Variants in RFX3 observed in about 807,000 individuals in gnomAD.
RFX3 encodes transcription factor RFX3.
A neutral mutation model predicts 98.6 loss-of-function variants in RFX3; 14 were observed. That is an observed-to-expected ratio of 0.14 (90% CI 0.09 to 0.22). The LOEUF (loss-of-function observed/expected upper bound fraction) is 0.22, where lower values mean the gene tolerates loss of function less well. Among genes scored for constraint, RFX3 ranks in the 10% least tolerant of loss-of-function variants. The pLI is 1.00. For synonymous variants in RFX3, 383 were observed against 328.4 expected, an observed-to-expected ratio of 1.17 and a Z score of -1.80; for missense variants, 639 against 926.9, an observed-to-expected ratio of 0.69 and a Z score of 4.03.
intron 15 of RFX3, among the ~76,000 whole-genome samples, chr9:3,231,128 G>A (rs1296895122): frequency 6.6e-6 from 1 of 152,118 alleles, no homozygotes; most frequent in Non-Finnish European, 1.5e-5. Flanking sequence ...TGCACTATGG[G>A]GGACAATGTA....
intron 1 of RFX3, among the ~76,000 whole-genome samples, chr9:3,524,065 AAT>A (rs35282949): frequency 0.02 from 3,113 of 152,184 alleles, 102 homozygotes; most frequent in African/African-American, 0.071. Flanking sequence ...CAGTTAAATC[AAT>A]ATATGTTTGC....
chr9:3,333,061 C>T (rs186419655), intron 3 of RFX3, among the ~76,000 whole-genome samples: 1 of 152,288 alleles, frequency 6.6e-6, no homozygotes, highest in Non-Finnish European at 1.5e-5. Flanking sequence ...TCTTCCTACT[C>T]CCATCAGTAC....
chr9:3,341,822 A>G (rs193299234), intron 3 of RFX3, among the ~76,000 whole-genome samples: 1 of 152,330 alleles, frequency 6.6e-6, no homozygotes, highest in Admixed American at 6.5e-5. Flanking sequence ...CTCCTATACC[A>G]GTCAGAATGT....
chr9:3,432,620 A>G (rs1014015993), intron 1 of RFX3, among the ~76,000 whole-genome samples: 3 of 152,230 alleles, frequency 2.0e-5, no homozygotes, highest in Non-Finnish European at 2.9e-5. Context: ...GTTTGAAGAC[A>G]TGGATCTTGG....
intron 1 of RFX3, among the ~76,000 whole-genome samples, chr9:3,486,507 A>AT (rs892450828): frequency 3.9e-5 from 6 of 151,994 alleles, no homozygotes; most frequent in African/African-American, 1.4e-4. Flanking sequence ...GTCAATACCC[A>AT]TTTTTTCTGC....
At chr9:3,239,949 G>C (rs575565221) in intron 15 of RFX3, among the ~76,000 whole-genome samples, 2 of 152,148 alleles carry the variant, frequency 1.3e-5, no homozygotes. Context: ...ACCATTCAGA[G>C]GCATGAAGAG....
At chr9:3,497,318 C>G (rs1052806415) in intron 1 of RFX3, among the ~76,000 whole-genome samples, 4 of 152,026 alleles carry the variant, frequency 2.6e-5, no homozygotes, top group Admixed American at 2.6e-4. Flanking sequence ...GAATTCTTCT[C>G]TAAATAAGCA....
chr9:3,316,365 G>A (rs550340108), intron 4 of RFX3, among the ~76,000 whole-genome samples: 3 of 150,946 alleles, frequency 2.0e-5, no homozygotes, highest in African/African-American at 7.5e-5. Context: ...AGGTATTGAT[G>A]GGACGTATCT....
chr9:3,288,133 T>G lies in RFX3; in HGVS notation c.849A>C (p.Gln283His). The G allele has an allele frequency of 6.2e-7, 1 of 1,612,682 alleles. No homozygotes were observed. The highest frequency in any genetic ancestry group is 1.3e-5 in the African/African-American group (1 of 75,002). The change falls in exon 7 of 17, where the codon CAA (glutamine) becomes CAC (histidine). Residue 283 changes from glutamine (Q) to histidine (H), a missense_variant and splice_region_variant. Transcript: ENST00000617270. ...TCAATGATAACTTCAGAGTCTACCT[T>G]TGTTTCTGTTGCATGGGTTGTTGTC... The part of the protein sequence containing the change: ...AMRQQPMQQK[Q>H]RYKPMQKVDG...
At chr9:3,492,307 C>T (rs929040211) in intron 1 of RFX3, among the ~76,000 whole-genome samples, 1 of 152,156 alleles carries the variant, frequency 6.6e-6, no homozygotes, top group Admixed American at 6.5e-5. Flanking sequence ...GTAAATAAGC[C>T]CTGCTCATTT....
intron 2 of RFX3, among the ~76,000 whole-genome samples, chr9:3,366,715 T>TTTCTTTCTTTCC (rs1563994277): frequency 1.3e-4 from 18 of 141,806 alleles, no homozygotes; most frequent in Non-Finnish European, 6.1e-5. Flanking sequence ...TCTTTCTTTC[T>TTTCTTTCTTTCC]TTCTTTCTTT....
chr9:3,507,775 T>C (rs1276828983), intron 1 of RFX3, among the ~76,000 whole-genome samples: 1 of 152,042 alleles, frequency 6.6e-6, no homozygotes, highest in African/African-American at 2.4e-5. Context: ...GTTGTTATAC[T>C]GTATTTACTT....
rs1397707098 is a variant in RFX3, at chr9:3,493,758, CCT to C, written c.-9+31987_-9+31988del. Among the ~76,000 whole-genome samples, 27 of 145,796 alleles carry C rather than the reference CCT, an allele frequency of 1.9e-4. No individual in the cohort carries two copies. In the East Asian group the frequency reaches 5.2e-3, roughly 28 times the overall value. ...ATACACACACACACTGGCTGGTTAT[CCT>C]ATAAACTTAGTTAAGGTCCAAATCC... On this transcript the variant is annotated intron_variant, in intron 1 of 16. Coordinates refer to ENST00000617270, the MANE Select transcript of RFX3 (RefSeq NM_001282116.2).
chr9:3,337,635 G>C (rs902968588), intron 3 of RFX3, among the ~76,000 whole-genome samples: 1 of 152,162 alleles, frequency 6.6e-6, no homozygotes, highest in Non-Finnish European at 1.5e-5. Flanking sequence ...CTTTGGGATG[G>C]CTGCAGTGGT....
chr9:3,383,854 A>G (rs1164211179), intron 2 of RFX3, among the ~76,000 whole-genome samples: 9 of 152,196 alleles, frequency 5.9e-5, no homozygotes, highest in Non-Finnish European at 1.0e-4. Flanking sequence ...TAAAACTTTC[A>G]ACACACATTT....
chr9:3,357,496 C>A lies in RFX3; in HGVS notation c.118-10732G>T, dbSNP rs187278275. Among the ~76,000 whole-genome samples, 514 of 151,878 alleles carry A rather than the reference C, an allele frequency of 3.4e-3. 1 individual carries two copies. Among genetic ancestry groups the A allele is most frequent in the African/African-American group, 0.012 (484 of 41,444 alleles). On this transcript the variant is annotated intron_variant, in intron 2 of 16. Coordinates refer to ENST00000617270, the MANE Select transcript of RFX3 (RefSeq NM_001282116.2). ...TTTGAATTTAAAGATAATAAAAACACAACATAAAATTTGTGGCACGCAGGA... is the reference window on the plus strand; with the variant it reads ...TTTGAATTTAAAGATAATAAAAACAAAACATAAAATTTGTGGCACGCAGGA...
At chr9:3,518,117 C>A (rs1056627072) in intron 1 of RFX3, among the ~76,000 whole-genome samples, 1 of 152,162 alleles carries the variant, frequency 6.6e-6, no homozygotes, top group Admixed American at 6.5e-5. Context: ...ATATGCTATA[C>A]TATATAGCAT....
intron 4 of RFX3, among the ~76,000 whole-genome samples, chr9:3,319,027 C>T (rs958058730): frequency 1.1e-4 from 16 of 152,200 alleles, no homozygotes; most frequent in African/African-American, 3.9e-4. Context: ...GTTGGAATTA[C>T]CCCTCAGAAA....
chr9:3,446,900 G>T (rs906464269), intron 1 of RFX3, among the ~76,000 whole-genome samples: 3 of 151,916 alleles, frequency 2.0e-5, no homozygotes, highest in Non-Finnish European at 4.4e-5. Context: ...TCCAAAATAA[G>T]ATGGAACTTA....
Sources: gnomAD v4.1 joint callset for allele counts (sites outside exome capture counted in the v4.1 genomes callset) on GRCh38, gnomAD v4.1.1 for gene constraint, MANE v1.5 for transcripts, NCBI Gene and HGNC (gene_info 2026-07-23, HGNC 2026-07-21) for gene names.